The following ABCA13 variants were observed in gnomAD, a reference collection of about 807,000 sequenced individuals.
ABCA13 encodes the protein ATP-binding cassette sub-family A member 13.
Under a neutral mutation model 478.7 loss-of-function variants are expected in ABCA13, and 476 were observed. The observed-to-expected ratio is 0.99, with a 90% CI of 0.92 to 1.07. The LOEUF is 1.07. Among genes scored for constraint, ABCA13 ranks in the 50% least tolerant of loss-of-function variants. The pLI is 0.00. For missense variants in ABCA13, 6,060 were observed against 5,910.6 expected, an observed-to-expected ratio of 1.03 and a Z score of -0.83; for synonymous variants, 2,252 against 2,158.9, an observed-to-expected ratio of 1.04 and a Z score of -1.20.
intron 16 of ABCA13, 42 bp downstream of exon 16, chr7:48,269,136 T>A: frequency 8.8e-7 from 1 of 1,130,060 alleles, no homozygotes; most frequent in Non-Finnish European, 1.3e-6. Flanking sequence ...GATTTAATTA[T>A]CATCTGAAGA....
chr7:48,484,559 A>G (rs1374594212), intron 47 of ABCA13, among the ~76,000 whole-genome samples: 1 of 152,148 alleles, frequency 6.6e-6, no homozygotes, highest in African/African-American at 2.4e-5. Context: ...TATTCATAGG[A>G]GATGGTTGTG....
At chr7:48,335,958 C>T (rs1347329232) in intron 28 of ABCA13, among the ~76,000 whole-genome samples, 1 of 152,186 alleles carries the variant, frequency 6.6e-6, no homozygotes, top group African/African-American at 2.4e-5. Context: ...TAATATAAAA[C>T]TTTAATTCAG....
At chr7:48,198,438 CT>C (rs2032798744) in intron 3 of ABCA13, 78 bp downstream of exon 3, 2 of 1,533,230 alleles carry the variant, frequency 1.3e-6, no homozygotes, top group East Asian at 4.6e-5. Context: ...TTTGTAAAGC[CT>C]CAATAATTTG....
chr7:48,173,763 C>T (rs1387988850), intron 1 of ABCA13, among the ~76,000 whole-genome samples: 1 of 152,224 alleles, frequency 6.6e-6, no homozygotes, highest in Non-Finnish European at 1.5e-5. Flanking sequence ...CAGGCAATTT[C>T]TTAACTTAGT....
chr7:48,388,900 A>G (rs1815604739), intron 36 of ABCA13, 140 bp from the exon 37 acceptor site: 3 of 948,262 alleles, frequency 3.2e-6, no homozygotes, highest in Non-Finnish European at 4.7e-6. Context: ...TGTTCTTGCT[A>G]AAGAAAGATT....
chr7:48,536,019 G>A (rs1435017968), intron 55 of ABCA13, among the ~76,000 whole-genome samples: 3 of 152,162 alleles, frequency 2.0e-5, no homozygotes, highest in African/African-American at 7.2e-5. Flanking sequence ...TTCCTTCAAA[G>A]GGTCTGTGGA....
In ABCA13 at chr7:48,213,328, T is replaced by C. The variant is rs546275443; in HGVS notation, c.288-6026T>C. Among the ~76,000 whole-genome samples the C allele has an allele frequency of 7.9e-5, 12 of 152,350 alleles. No homozygotes were observed. The South Asian group carries it at 2.5e-3, about 32-fold the overall frequency. ...TGCAATAAAGTGAGTCACATAAATT[T>C]TTTAGTTTTCCATTGCATATAAAAG... On this transcript the variant is annotated intron_variant, in intron 3 of 61. Coordinates refer to ENST00000435803, the MANE Select transcript of ABCA13 (RefSeq NM_152701.5).
chr7:48,272,059 A>G lies in ABCA13; in HGVS notation c.2393A>G (p.Asn798Ser). Residue 798 changes from asparagine (N) to serine (S), a missense_variant, in exon 17 of 62, where the codon AAC (asparagine) becomes AGC (serine). Asn to Ser is a conservative substitution (Grantham distance 46, BLOSUM62 1). This residue lies in a region of ABCA13 where 4,423 missense variants were observed against 4,309.1 expected (regional missense o/e 1.03). Transcript: ENST00000435803. ...GCTCAGAAACTCTTGGAATTTGGCAACGAAGTGATTTGGAAAATGCAGACT... is the reference window on the plus strand; with the variant it reads ...GCTCAGAAACTCTTGGAATTTGGCAGCGAAGTGATTTGGAAAATGCAGACT... ...TDAQKLLEFG[N>S]EVIWKMQTLG... is the part of the protein sequence containing the mutation. 6.2e-7 allele frequency: 1 copy of G among 1,613,792 alleles called. No individual in the cohort carries two copies. Among genetic ancestry groups the G allele is most frequent in the Non-Finnish European group, 8.5e-7 (1 of 1,179,756 alleles).
intron 47 of ABCA13, among the ~76,000 whole-genome samples, chr7:48,485,566 CT>C (rs1384788470): frequency 5.3e-5 from 8 of 152,182 alleles, no homozygotes; most frequent in Non-Finnish European, 7.4e-5. Context: ...TCTATAAAAC[CT>C]TTCTCAAGTA....
intron 35 of ABCA13, among the ~76,000 whole-genome samples, chr7:48,387,097 TTGA>T (rs753901293): frequency 6.6e-6 from 1 of 152,082 alleles, no homozygotes; most frequent in Non-Finnish European, 1.5e-5. Context: ...TCTCTTCTGC[TTGA>T]TGATCAAAGT....
chr7:48,273,206 T>C lies in ABCA13; in HGVS notation c.3540T>C (p.Thr1180=). The change falls in exon 17 of 62, where the codon ACT becomes ACC. Residue 1180 remains threonine, a synonymous_variant. Coordinates refer to ENST00000435803, the MANE Select transcript of ABCA13 (RefSeq NM_152701.5). ...NVFTSLHHGF[T]QLLDELEDDV... ...TCACATCTCTTCATCATGGTTTCAC[T>C]CAGCTTTTGGATGAATTGGAAGATG... 1 of 1,613,702 alleles carries C rather than the reference T, an allele frequency of 6.2e-7. No homozygotes were observed. Among genetic ancestry groups the C allele is most frequent in the South Asian group, 1.1e-5 (1 of 91,078 alleles).
At chr7:48,244,527 A>C (rs1415046421) in intron 10 of ABCA13, 49 bp from the exon 11 acceptor site, 2 of 1,575,334 alleles carry the variant, frequency 1.3e-6, no homozygotes, top group South Asian at 2.3e-5. Flanking sequence ...CCTAATTGGC[A>C]CTTCGAACTA....
At chr7:48,379,414 A>G (rs1813997182) in intron 35 of ABCA13, among the ~76,000 whole-genome samples, 1 of 152,192 alleles carries the variant, frequency 6.6e-6, no homozygotes, top group Non-Finnish European at 1.5e-5. Context: ...TCTTGAAATG[A>G]AACTTATGGA....
chr7:48,345,900 A>G (rs1299826046), intron 29 of ABCA13, among the ~76,000 whole-genome samples: 2 of 152,228 alleles, frequency 1.3e-5, no homozygotes, highest in African/African-American at 4.8e-5. Context: ...TAAGTGTATC[A>G]TTTAATACCA....
chr7:48,323,944 GA>G (rs1353821164), intron 27 of ABCA13, among the ~76,000 whole-genome samples: 4 of 152,194 alleles, frequency 2.6e-5, no homozygotes, highest in African/African-American at 7.2e-5. Flanking sequence ...TGCCATGTAA[GA>G]CATGACTTTG....
intron 55 of ABCA13, among the ~76,000 whole-genome samples, chr7:48,557,891 T>C (rs1195344887): frequency 6.6e-6 from 1 of 152,198 alleles, no homozygotes; most frequent in Non-Finnish European, 1.5e-5. Context: ...ACTTCCTGCC[T>C]CTATCTCTTT....
intron 1 of ABCA13, among the ~76,000 whole-genome samples, chr7:48,172,026 C>T (rs1347275655): frequency 1.3e-5 from 2 of 152,210 alleles, no homozygotes; most frequent in Non-Finnish European, 2.9e-5. Context: ...GGGTCACCAT[C>T]TTTAGTGTTA....
chr7:48,542,276 CTGT>C (rs1376647207), intron 55 of ABCA13, among the ~76,000 whole-genome samples: 1 of 151,746 alleles, frequency 6.6e-6, no homozygotes, highest in Non-Finnish European at 1.5e-5. Context: ...AGAAACAAGA[CTGT>C]TTATCATACA....
chr7:48,197,502 C>T (rs2128909661), intron 2 of ABCA13, among the ~76,000 whole-genome samples: 1 of 152,216 alleles, frequency 6.6e-6, no homozygotes, highest in African/African-American at 2.4e-5. Flanking sequence ...GGCCCGGCTG[C>T]AGCAGCCTGA....
Sources: gnomAD v4.1 joint callset for allele counts (sites outside exome capture counted in the v4.1 genomes callset) on GRCh38, gnomAD v4.1.1 for gene constraint, gnomAD v4.1.1 regional missense constraint, MANE v1.5 for transcripts, NCBI Gene and HGNC (gene_info 2026-07-23, HGNC 2026-07-21) for gene names.